NFASC: variants seen among roughly 807,000 people sequenced by gnomAD.
NFASC encodes the protein neurofascin, also known as neurofascin homolog.
Under a neutral mutation model 147.5 loss-of-function variants are expected in NFASC, and 43 were observed. That is an observed-to-expected ratio of 0.29 (90% CI 0.23 to 0.38). NFASC has a LOEUF of 0.38. Among genes scored for constraint, NFASC ranks in the 10% least tolerant of loss-of-function variants. The probability of loss-of-function intolerance (pLI) is 1.00; values close to 1 mark genes in which losing one functional copy is unlikely to be tolerated. For missense variants in NFASC, 1,320 were observed against 1,689.0 expected (o/e 0.78, Z 3.83); for synonymous variants, 622 against 665.5 (o/e 0.93, Z 1.01).
intron 3 of NFASC, among the ~76,000 whole-genome samples, chr1:204,947,460 C>T (rs77128782): frequency 0.02 from 3,086 of 152,252 alleles, 123 homozygotes; most frequent in African/African-American, 0.071. Flanking sequence ...ATCTGTGTCT[C>T]GAGGGCAGGG....
In NFASC at chr1:204,983,595, C is replaced by G. The variant is rs541736846; in HGVS notation, c.2470+1575C>G. ...AAAGAGGAACCCAGGGGAATTGATA[C>G]CCACCCTTCCTCTTCTCCTGCCCTG... On this transcript the variant is annotated intron_variant, in intron 21 of 29. Transcript: ENST00000339876. Among the ~76,000 whole-genome samples, 12 of 152,246 alleles carry G rather than the reference C, an allele frequency of 7.9e-5. 1 individual carries two copies. The South Asian group carries it at 2.5e-3, about 32-fold the overall frequency.
chr1:204,840,491 A>G (rs1675005838), intron 1 of NFASC, among the ~76,000 whole-genome samples: 1 of 152,232 alleles, frequency 6.6e-6, no homozygotes, highest in Non-Finnish European at 1.5e-5. Flanking sequence ...AGTGGCTTGA[A>G]GTCAGAGAAT....
In NFASC at chr1:204,947,412, G is replaced by C. The variant is rs368751040; in HGVS notation, c.91+3006G>C. Among the ~76,000 whole-genome samples, 9 of 152,300 alleles carry C rather than the reference G, an allele frequency of 5.9e-5. No individual in the cohort carries two copies. In the East Asian group the frequency reaches 1.7e-3, roughly 29 times the overall value. On this transcript the variant is annotated intron_variant, in intron 3 of 29. Transcript: ENST00000339876. ...CATTCTTAACGTTCTCGCCCTGCCA[G>C]GTGTTCTTTCTACTCATTTGCCCCT...
intron 1 of NFASC, among the ~76,000 whole-genome samples, chr1:204,864,161 G>A (rs2102893925): frequency 6.6e-6 from 1 of 152,178 alleles, no homozygotes; most frequent in African/African-American, 2.4e-5. Flanking sequence ...ATTTCACTTA[G>A]CATAATATTT....
intron 1 of NFASC, among the ~76,000 whole-genome samples, chr1:204,845,457 C>G (rs1676730614): frequency 6.6e-6 from 1 of 151,426 alleles, no homozygotes; most frequent in Admixed American, 6.6e-5. Context: ...GACTCCATCT[C>G]AAAAAAATAA....
At position 204,835,981 on chromosome 1, in the gene NFASC, A is replaced by G. The variant is rs182849595; in HGVS notation, c.-200+7199A>G. On this transcript the variant is annotated intron_variant, in intron 1 of 29. Transcript: ENST00000339876. ...CAGAGCAATTCCAAGAACTTTTCCC[A>G]GTGATGAAAATTCCCTTTTTCTTTA... Among the ~76,000 whole-genome samples the G allele has an allele frequency of 2.6e-5, 4 of 152,336 alleles. No homozygotes were observed. The East Asian group carries it at 5.8e-4, about 22-fold the overall frequency.
At chr1:204,948,371 G>T (rs1030151055) in intron 3 of NFASC, among the ~76,000 whole-genome samples, 2 of 152,176 alleles carry the variant, frequency 1.3e-5, no homozygotes, top group Non-Finnish European at 2.9e-5. Flanking sequence ...GGCTGCAGAC[G>T]CCATCCCTAT....
At chr1:204,940,003 A>C (rs2093240679) in intron 2 of NFASC, among the ~76,000 whole-genome samples, 1 of 152,226 alleles carries the variant, frequency 6.6e-6, no homozygotes, top group Non-Finnish European at 1.5e-5. Context: ...CCTGCCTTCC[A>C]TGCTGAGTGA....
At chr1:204,971,516 C>T (rs991171952) in intron 11 of NFASC, among the ~76,000 whole-genome samples, 1 of 152,120 alleles carries the variant, frequency 6.6e-6, no homozygotes, top group Non-Finnish European at 1.5e-5. Flanking sequence ...AGAGCAGCAG[C>T]TGGTAGAAGC....
Position 204,974,207 on chromosome 1 carries a change from G to T in NFASC, c.1308G>T (p.Arg436=), listed in dbSNP as rs1182694144. The change falls in exon 13 of 30, where the codon CGG becomes CGT. Residue 436 remains arginine (R), a synonymous_variant. Coordinates refer to ENST00000339876, the MANE Select transcript of NFASC (RefSeq NM_001005388.3). ...TGCCGCCTCGGATGCTGTCGCCCCG[G>T]AACCAGCTCATTCGAGTGATTCTTT... The part of the protein sequence containing the change: ...LDVPPRMLSP[R]NQLIRVILYN... 2 of 1,613,946 alleles carry T rather than the reference G, an allele frequency of 1.2e-6. No individual in the cohort carries two copies. The highest frequency in any genetic ancestry group is 2.2e-5 in the East Asian group (1 of 44,880).
intron 1 of NFASC, among the ~76,000 whole-genome samples, chr1:204,847,392 T>C (rs1436663929): frequency 2.6e-5 from 4 of 152,216 alleles, no homozygotes; most frequent in East Asian, 3.9e-4. Flanking sequence ...CCTTCCCATC[T>C]GGTAGCCCAG....
At chr1:204,925,215 A>T (rs1158755620) in intron 2 of NFASC, among the ~76,000 whole-genome samples, 1 of 152,238 alleles carries the variant, frequency 6.6e-6, no homozygotes, top group Non-Finnish European at 1.5e-5. Flanking sequence ...TAGGTGCTAT[A>T]CATGTACATT....
At chr1:204,857,370 T>C (rs972554536) in intron 1 of NFASC, among the ~76,000 whole-genome samples, 2 of 152,212 alleles carry the variant, frequency 1.3e-5, no homozygotes, top group African/African-American at 2.4e-5. Flanking sequence ...TTCTCTTAGG[T>C]TGGGAGACTG....
intron 1 of NFASC, among the ~76,000 whole-genome samples, chr1:204,881,172 C>T (rs1240931078): frequency 2.0e-5 from 3 of 152,150 alleles, no homozygotes; most frequent in Admixed American, 1.3e-4. Flanking sequence ...AGGCAGGGAC[C>T]GGCTTTGCTT....
intron 2 of NFASC, among the ~76,000 whole-genome samples, chr1:204,927,169 T>C (rs1285832677): frequency 1.3e-5 from 2 of 152,036 alleles, no homozygotes; most frequent in African/African-American, 2.4e-5. Context: ...TCACAATGGA[T>C]TTTAGGACAT....
At chr1:205,013,639 T>C (rs2096292049) in intron 29 of NFASC, among the ~76,000 whole-genome samples, 1 of 152,156 alleles carries the variant, frequency 6.6e-6, no homozygotes, top group Admixed American at 6.5e-5. Context: ...AACATTGTTG[T>C]GGGTCCATGG....
intron 1 of NFASC, among the ~76,000 whole-genome samples, chr1:204,830,484 G>A (rs905989885): frequency 3.3e-5 from 5 of 152,154 alleles, no homozygotes; most frequent in Admixed American, 2.6e-4. Flanking sequence ...GGCCTGCTAC[G>A]CAGCTAATAC....
intron 1 of NFASC, among the ~76,000 whole-genome samples, chr1:204,857,771 T>C (rs948195305): frequency 6.6e-6 from 1 of 152,160 alleles, no homozygotes; most frequent in African/African-American, 2.4e-5. Flanking sequence ...CCCACAATTC[T>C]GGAAGCTGGA....
chr1:204,840,779 G>C (rs184303818), intron 1 of NFASC, among the ~76,000 whole-genome samples: 5 of 152,370 alleles, frequency 3.3e-5, no homozygotes, highest in Admixed American at 2.0e-4. Flanking sequence ...TCAACTTTCA[G>C]TAAATATATA....
Sources: allele counts gnomAD v4.1 joint callset (sites outside exome capture counted in the v4.1 genomes callset), GRCh38; gene constraint gnomAD v4.1.1; transcripts MANE v1.5; gene names NCBI Gene and HGNC (gene_info 2026-07-23, HGNC 2026-07-21).